P2RX1: variants seen among roughly 807,000 people sequenced by gnomAD.
P2RX1 encodes purinergic receptor P2X 1, also known as P2X purinoceptor 1.
Under a neutral mutation model 50.3 loss-of-function variants are expected in P2RX1, and 42 were observed. The observed-to-expected ratio is 0.83, with a 90% CI of 0.65 to 1.08. The LOEUF (loss-of-function observed/expected upper bound fraction) is 1.08. P2RX1 is among the 50% of genes least tolerant of loss of function. The probability of loss-of-function intolerance (pLI) is 0.00; values close to 1 mark genes in which losing one functional copy is unlikely to be tolerated. For missense variants in P2RX1, 449 were observed against 529.0 expected, an observed-to-expected ratio of 0.85 and a Z score of 1.48; for synonymous variants, 199 against 202.6, an observed-to-expected ratio of 0.98 and a Z score of 0.15.
chr17:3,904,689 C>T (rs1235305769), intron 3 of P2RX1, 169 bp downstream of exon 3: 2 of 655,282 alleles, frequency 3.1e-6, no homozygotes, highest in Non-Finnish European at 2.7e-6. Flanking sequence ...GAAGGCTCAG[C>T]TCTGCAAGGG....
Position 3,897,823 on chromosome 17 carries a change from C to T in P2RX1, c.1191G>A (p.Arg397=), listed in dbSNP as rs1567646982. 1 of 1,613,166 alleles carries T rather than the reference C, an allele frequency of 6.2e-7. No homozygotes were observed. Among genetic ancestry groups the T allele is most frequent in the Non-Finnish European group, 8.5e-7 (1 of 1,179,994 alleles). The change falls in exon 12 of 12, where the codon AGG becomes AGA. Residue 397 remains arginine, a synonymous_variant. Coordinates refer to ENST00000225538, the MANE Select transcript of P2RX1 (RefSeq NM_002558.4). ...AGTTGGGGCCCGAGCATCAGGATGTCCTCATGTTCTCCTGCAGGCCCAGGG... is the reference window on the plus strand; with the variant it reads ...AGTTGGGGCCCGAGCATCAGGATGTTCTCATGTTCTCCTGCAGGCCCAGGG... The part of the protein sequence containing the change: ...SSTLGLQENM[R]TS
At chr17:3,911,827 C>A (rs9904127) in intron 1 of P2RX1, among the ~76,000 whole-genome samples, 1,791 of 152,286 alleles carry the variant, frequency 0.012, 43 homozygotes, top group African/African-American at 0.041. Context: ...CACTGTGTCC[C>A]GACAGGAGAG....
chr17:3,911,673 C>T (rs574977520), intron 1 of P2RX1, among the ~76,000 whole-genome samples: 3 of 152,350 alleles, frequency 2.0e-5, no homozygotes, highest in East Asian at 3.9e-4. Context: ...GAAATCCGGG[C>T]GCCTCAGCCT....
intron 8 of P2RX1, 96 bp downstream of exon 8, chr17:3,899,538 C>A (rs1045848658): frequency 1.3e-6 from 2 of 1,540,100 alleles, no homozygotes; most frequent in African/African-American, 2.7e-5. Flanking sequence ...CCTCTGCTCC[C>A]CTCTGGGGAC....
rs753868642 is a variant in P2RX1 at position 3,903,990 on chromosome 17, G to A, written c.462C>T (p.Asp154=). The part of the protein sequence containing the change: ...IRTGKCVAFN[D]TVKTCEIFGW... ...CAAAGATCTCACACGTCTTCACAGT[G>A]TCGTTGAAGGCCACACACTTGCCCG... The change falls in exon 5 of 12, where the codon GAC becomes GAT. Residue 154 remains aspartate (D), a synonymous_variant. Coordinates refer to ENST00000225538, the MANE Select transcript of P2RX1 (RefSeq NM_002558.4). The surrounding 1 kb of genome is among the most constrained non-coding windows in gnomAD (Gnocchi z 4.6). 1 of 1,614,106 alleles carries A rather than the reference G, an allele frequency of 6.2e-7. No homozygotes were observed. The highest frequency in any genetic ancestry group is 1.3e-5 in the African/African-American group (1 of 75,028).
intron 1 of P2RX1, 135 bp downstream of exon 1, chr17:3,915,954 A>G (rs1381652523): frequency 1.9e-6 from 2 of 1,053,842 alleles, no homozygotes; most frequent in East Asian, 2.6e-5. Context: ...ATTCTCGCAC[A>G]GTGGCTTGCC....
chr17:3,898,875 G>A, intron 9 of P2RX1, 59 bp downstream of exon 9: 3 of 1,329,374 alleles, frequency 2.3e-6, no homozygotes, highest in Non-Finnish European at 3.3e-6. Context: ...ATGCCCAAAG[G>A]TACTCACAGG....
Position 3,910,515 on chromosome 17 carries a change from T to C in P2RX1, c.138-5148A>G, listed in dbSNP as rs575754368. Reference sequence around the variant, plus strand: ...CCTTCTGGTCCTCCCTCGGCTTTCATCTAAGGACCCAGAAGGGCTGGTTTT... The same window carrying C: ...CCTTCTGGTCCTCCCTCGGCTTTCACCTAAGGACCCAGAAGGGCTGGTTTT... On this transcript the variant is annotated intron_variant, in intron 1 of 11. Coordinates refer to ENST00000225538, the MANE Select transcript of P2RX1 (RefSeq NM_002558.4). 6.6e-5 allele frequency among the ~76,000 whole-genome samples: 10 copies of C among 152,272 alleles called. No individual in the cohort carries two copies. The East Asian group carries it at 1.9e-3, about 29-fold the overall frequency.
intron 2 of P2RX1, 129 bp from the exon 3 acceptor site, chr17:3,905,058 C>A: frequency 8.8e-7 from 1 of 1,139,734 alleles, no homozygotes; most frequent in Non-Finnish European, 1.3e-6. Context: ...ACACCCCCTG[C>A]CACCAACATG....
At position 3,898,065 on chromosome 17, in the gene P2RX1, T is replaced by A; in HGVS notation, c.1078A>T (p.Arg360Trp). 6.2e-7 allele frequency: 1 copy of A among 1,613,136 alleles called. No individual in the cohort carries two copies. Among genetic ancestry groups the A allele is most frequent in the Non-Finnish European group, 8.5e-7 (1 of 1,179,862 alleles). ...AACTTCTTCTGCTTGTAGTAGTGCC[T>A]CTTAGGCAGGATGTGAAGCAGCAGC... ...DLLLLHILPK[R>W]HYYKQKKFKY... Residue 360 changes from arginine (R) to tryptophan (W), a missense_variant, in exon 11 of 12, where the codon AGG (arginine) becomes TGG (tryptophan). Coordinates refer to ENST00000225538, the MANE Select transcript of P2RX1 (RefSeq NM_002558.4).
At chr17:3,904,596 G>C (rs1235168511) in intron 3 of P2RX1, 197 bp from the exon 4 acceptor site, 3 of 639,434 alleles carry the variant, frequency 4.7e-6, no homozygotes, top group Non-Finnish European at 8.3e-6. Flanking sequence ...CTCATGCCCA[G>C]CTGCCCACTG....
intron 7 of P2RX1, among the ~76,000 whole-genome samples, chr17:3,902,857 C>T (rs2143992616): frequency 6.6e-6 from 1 of 152,152 alleles, no homozygotes; most frequent in Non-Finnish European, 1.5e-5. Context: ...GATCCACCCG[C>T]CTCTGACTCC....
chr17:3,903,980 T>C lies in P2RX1; in HGVS notation c.472A>G (p.Thr158Ala). The change falls in exon 5 of 12, where the codon ACG becomes GCG. Residue 158 changes from threonine to alanine, a missense_variant. Thr to Ala is a moderately conservative substitution (Grantham distance 58). Transcript: ENST00000225538. The surrounding 1 kb of genome is among the most constrained non-coding windows in gnomAD (Gnocchi z 4.6). The part of the protein sequence containing the change: ...KCVAFNDTVK[T>A]CEIFGWCPVE... The stretch of plus-strand genomic sequence containing the variant: ...GGGCACCAGCCAAAGATCTCACACG[T>C]CTTCACAGTGTCGTTGAAGGCCACA... The C allele has an allele frequency of 6.2e-7, 1 of 1,614,070 alleles. No homozygotes were observed. The highest frequency in any genetic ancestry group is 8.5e-7 in the Non-Finnish European group (1 of 1,179,978).
chr17:3,909,078 T>C (rs2056318273), intron 1 of P2RX1, among the ~76,000 whole-genome samples: 2 of 152,092 alleles, frequency 1.3e-5, no homozygotes. Flanking sequence ...TTGCCCAGGC[T>C]GGAGTGCGGT....
At chr17:3,900,389 G>C (rs1487125592) in intron 7 of P2RX1, among the ~76,000 whole-genome samples, 1 of 151,874 alleles carries the variant, frequency 6.6e-6, no homozygotes, top group Admixed American at 6.6e-5. Flanking sequence ...GAGAGACAGA[G>C]GTTGCAGTGA....
chr17:3,899,120 T>C, intron 8 of P2RX1, 96 bp from the exon 9 acceptor site: 1 of 858,746 alleles, frequency 1.2e-6, no homozygotes, highest in Non-Finnish European at 2.0e-6. Flanking sequence ...TTTAGTGGTC[T>C]CTGAGTACAG....
intron 7 of P2RX1, among the ~76,000 whole-genome samples, chr17:3,902,930 T>G (rs1391771838): frequency 6.6e-6 from 1 of 151,908 alleles, no homozygotes. Flanking sequence ...ATCTAGTTTT[T>G]TTTTTTTTTT....
Position 3,897,836 on chromosome 17 carries a change from T to G in P2RX1, c.1178A>C (p.Gln393Pro). The G allele has an allele frequency of 6.2e-7, 1 of 1,613,532 alleles. No individual in the cohort carries two copies. Among genetic ancestry groups the G allele is most frequent in the East Asian group, 2.2e-5 (1 of 44,856 alleles). ...LAATSSTLGL[Q>P]ENMRTS The stretch of plus-strand genomic sequence containing the variant: ...GCATCAGGATGTCCTCATGTTCTCC[T>G]GCAGGCCCAGGGTGGAGCTGGTAGC... The change falls in exon 12 of 12, where the codon CAG (glutamine) becomes CCG (proline). Residue 393 changes from glutamine to proline, a missense_variant. Physicochemically the swap from Gln to Pro is moderately conservative, Grantham distance 76 (BLOSUM62 -1). Coordinates refer to ENST00000225538, the MANE Select transcript of P2RX1 (RefSeq NM_002558.4).
intron 8 of P2RX1, among the ~76,000 whole-genome samples, 185 bp from the exon 9 acceptor site, chr17:3,899,209 C>CT (rs1268774751): frequency 5.5e-4 from 77 of 139,276 alleles, no homozygotes; most frequent in African/African-American, 9.8e-4. Context: ...ACTCCTTTTT[C>CT]TTTTTTTTTT....
Sources: gnomAD v4.1 joint callset for allele counts (sites outside exome capture counted in the v4.1 genomes callset) on GRCh38, gnomAD v4.1.1 for gene constraint, Gnocchi (gnomAD v3.1) non-coding constraint, MANE v1.5 for transcripts, NCBI Gene and HGNC (gene_info 2026-07-23, HGNC 2026-07-21) for gene names.